The following PAK5 variants were observed in gnomAD, a reference collection of about 807,000 sequenced individuals.
PAK5 encodes p21 (RAC1) activated kinase 5.
A neutral mutation model predicts 65.9 loss-of-function variants in PAK5; 16 were observed. The observed-to-expected ratio is 0.24, with a 90% CI of 0.16 to 0.37. PAK5 has a LOEUF of 0.37. Ranked by LOEUF, PAK5 falls within the 10% of genes least tolerant of loss-of-function variation. PAK5 has a pLI of 1.00. For missense variants in PAK5, 785 were observed against 903.9 expected (o/e 0.87, Z 1.69); for synonymous variants, 371 against 354.9 (o/e 1.05, Z -0.51).
At chr20:9,680,494 G>A (rs2047635091) in intron 2 of PAK5, among the ~76,000 whole-genome samples, 1 of 152,146 alleles carries the variant, frequency 6.6e-6, no homozygotes, top group South Asian at 2.1e-4. Context: ...TCTGAGAGGT[G>A]GTATAGGTTG....
chr20:9,736,294 A>G (rs1231911302), intron 1 of PAK5, among the ~76,000 whole-genome samples: 1 of 152,170 alleles, frequency 6.6e-6, no homozygotes, highest in Non-Finnish European at 1.5e-5. Context: ...AAGTAGCCTA[A>G]TTTAAGTGTC....
At chr20:9,561,364 A>T (rs948606665) in intron 6 of PAK5, among the ~76,000 whole-genome samples, 10 of 152,296 alleles carry the variant, frequency 6.6e-5, no homozygotes, top group Admixed American at 3.9e-4. Context: ...ATATATTTTT[A>T]TTTTTTGCTT....
intron 2 of PAK5, among the ~76,000 whole-genome samples, chr20:9,650,851 T>C (rs2208756): frequency 0.06 from 9,210 of 152,232 alleles, 852 homozygotes; most frequent in African/African-American, 0.21. Flanking sequence ...GCCAAAGTCT[T>C]CATTAGCCAT....
chr20:9,741,471 G>A (rs1048558541), intron 1 of PAK5, among the ~76,000 whole-genome samples: 1 of 152,076 alleles, frequency 6.6e-6, no homozygotes, highest in Admixed American at 6.6e-5. Flanking sequence ...GGAGGAATGA[G>A]CTCAATATTG....
intron 4 of PAK5, among the ~76,000 whole-genome samples, chr20:9,567,610 C>T: frequency 6.6e-6 from 1 of 152,142 alleles, no homozygotes; most frequent in East Asian, 1.9e-4. Context: ...TCCCATGCAG[C>T]ACATTCATTC....
At chr20:9,769,982 G>GT (rs928134609) in intron 1 of PAK5, among the ~76,000 whole-genome samples, 6 of 152,312 alleles carry the variant, frequency 3.9e-5, no homozygotes, top group East Asian at 1.9e-4. Context: ...CTTTTGAGGA[G>GT]TTTTTTCTAA....
chr20:9,730,785 A>G (rs931357659), intron 1 of PAK5, among the ~76,000 whole-genome samples: 6 of 152,202 alleles, frequency 3.9e-5, no homozygotes, highest in African/African-American at 1.4e-4. Flanking sequence ...TGCTGATTTC[A>G]AATTCTTGTA....
At position 9,827,977 on chromosome 20, in the gene PAK5, G is replaced by A. The variant is rs193135131; in HGVS notation, c.-162+10785C>T. The stretch of plus-strand genomic sequence containing the variant: ...ATCCCAAGTAGCTGGGATCACAGGC[G>A]TGCGCCACCATGCCCAGCTAATGTT... On this transcript the variant is annotated intron_variant, in intron 1 of 9. Coordinates refer to ENST00000353224, the MANE Select transcript of PAK5 (RefSeq NM_177990.4). Among the ~76,000 whole-genome samples the A allele has an allele frequency of 1.6e-3, 240 of 152,236 alleles. 4 individuals are homozygous for A. The East Asian group carries it at 0.032, about 20-fold the overall frequency.
intron 1 of PAK5, among the ~76,000 whole-genome samples, chr20:9,733,383 ATCTC>A (rs1156319507): frequency 6.5e-5 from 8 of 122,534 alleles, no homozygotes; most frequent in Non-Finnish European, 1.2e-4. Context: ...ATAGTTACCA[ATCTC>A]TCTTTCTTTC....
At chr20:9,750,738 C>T (rs1453288483) in intron 1 of PAK5, among the ~76,000 whole-genome samples, 1 of 152,072 alleles carries the variant, frequency 6.6e-6, no homozygotes, top group Non-Finnish European at 1.5e-5. Context: ...CCCCAACCTG[C>T]CCAATGAGGA....
At chr20:9,832,318 C>T (rs1978786054) in intron 1 of PAK5, among the ~76,000 whole-genome samples, 1 of 151,904 alleles carries the variant, frequency 6.6e-6, no homozygotes, top group African/African-American at 2.4e-5. Context: ...TGTCACCAAG[C>T]CTGGAGTGCA....
intron 3 of PAK5, among the ~76,000 whole-genome samples, chr20:9,611,600 C>T (rs140758607): frequency 2.8e-4 from 43 of 152,336 alleles, no homozygotes; most frequent in Middle Eastern, 6.8e-3. Context: ...TTACTCACCA[C>T]GGAGTTCTCC....
intron 1 of PAK5, among the ~76,000 whole-genome samples, chr20:9,733,001 T>C (rs1207651512): frequency 6.6e-6 from 1 of 150,554 alleles, no homozygotes; most frequent in Non-Finnish European, 1.5e-5. Flanking sequence ...CATAACACTT[T>C]GTTTGTATTT....
intron 1 of PAK5, among the ~76,000 whole-genome samples, chr20:9,828,785 G>A (rs1384473686): frequency 6.6e-6 from 1 of 152,202 alleles, no homozygotes; most frequent in African/African-American, 2.4e-5. Context: ...TAACTGTTGT[G>A]TCTAACAGAG....
At chr20:9,637,946 A>G (rs982225366) in intron 3 of PAK5, among the ~76,000 whole-genome samples, 1 of 152,184 alleles carries the variant, frequency 6.6e-6, no homozygotes, top group Admixed American at 6.5e-5. Context: ...AAGGGTGATC[A>G]TTATGTTGTG....
chr20:9,767,987 G>A (rs966587219), intron 1 of PAK5, among the ~76,000 whole-genome samples: 1 of 152,092 alleles, frequency 6.6e-6, no homozygotes, highest in Non-Finnish European at 1.5e-5. Flanking sequence ...ATTACCCTAA[G>A]TGACTTAATG....
intron 3 of PAK5, among the ~76,000 whole-genome samples, chr20:9,638,552 C>T (rs1010730391): frequency 6.6e-6 from 1 of 152,234 alleles, no homozygotes; most frequent in African/African-American, 2.4e-5. Flanking sequence ...CCAGCAGCAT[C>T]AGTACCACCT....
At chr20:9,585,468 T>C (rs560867069) in intron 3 of PAK5, among the ~76,000 whole-genome samples, 58 of 152,370 alleles carry the variant, frequency 3.8e-4, no homozygotes, top group African/African-American at 1.3e-3. Context: ...AACGTTGGTG[T>C]GTGACATCAC....
chr20:9,587,097 G>A (rs1428493977), intron 3 of PAK5, among the ~76,000 whole-genome samples: 1 of 152,070 alleles, frequency 6.6e-6, no homozygotes, highest in Admixed American at 6.6e-5. Context: ...CGTATACAAA[G>A]TACTTATAAG....
Sources: gnomAD v4.1 joint callset for allele counts (sites outside exome capture counted in the v4.1 genomes callset) on GRCh38, gnomAD v4.1.1 for gene constraint, MANE v1.5 for transcripts, NCBI Gene and HGNC (gene_info 2026-07-23, HGNC 2026-07-21) for gene names.